The following COPZ2 variants were observed in gnomAD, a reference collection of about 807,000 sequenced individuals.
The protein encoded by COPZ2 is coat protein complex I subunit zeta 2.
Under a neutral mutation model 33.2 loss-of-function variants are expected in COPZ2, and 30 were observed. That is an observed-to-expected ratio of 0.90 (90% CI 0.68 to 1.23). COPZ2 has a LOEUF of 1.23. Ranked by LOEUF, COPZ2 falls within the 50% of genes most tolerant of loss-of-function variation. COPZ2 has a pLI of 0.00. For synonymous variants in COPZ2, 89 were observed against 102.6 expected (o/e 0.87, Z 0.80); for missense variants, 263 against 262.4 (o/e 1.00, Z -0.02).
chr17:48,043,631 AG>A, the COPZ2 span: 1 of 892,852 alleles, frequency 1.1e-6, no homozygotes, highest in Non-Finnish European at 1.3e-6. Flanking sequence ...TCTGAGATAA[AG>A]TTGTAGGGTG....
rs1377014977 is a variant in COPZ2 at position 48,037,737 on chromosome 17, T to TC, written c.40dup (p.Glu14GlyfsTer41). ...CCCGGCCTGGGCCGCCGCGGCCCCC[T>TC]CCCCCGGGTGCGGACGTGGCCAGGC... On this transcript the variant is annotated frameshift_variant, in exon 1 of 9. Coordinates refer to ENST00000621465, the MANE Select transcript of COPZ2 (RefSeq NM_016429.4). LOFTEE classifies it high-confidence loss of function. This position sits in a 1 kb window ranked among gnomAD's most constrained non-coding sequence, Gnocchi z 5.6. 1.0e-6 allele frequency: 1 copy of TC among 994,884 alleles called. No homozygotes were observed. Among genetic ancestry groups the TC allele is most frequent in the African/African-American group, 2.5e-5 (1 of 39,338 alleles). The allele number at this position is 994,884 out of a possible 1,614,324, so 61.6% of individuals were successfully genotyped here.
chr17:48,032,866 C>G, intron 4 of COPZ2, 125 bp from the exon 5 acceptor site: 1 of 743,304 alleles, frequency 1.3e-6, no homozygotes, highest in South Asian at 1.7e-5. Context: ...TGGAGACTGA[C>G]TGCGGTGTGA....
chr17:48,041,378 G>C (rs529284632), upstream of COPZ2, among the ~76,000 whole-genome samples: 18 of 152,300 alleles, frequency 1.2e-4, no homozygotes, highest in Non-Finnish European at 1.8e-4. Flanking sequence ...ATGAGTTGGG[G>C]ATAAGTGCTG....
chr17:48,046,915 G>C, the COPZ2 span: 3 of 152,176 alleles, frequency 2.0e-5, no homozygotes, highest in African/African-American at 7.2e-5. Flanking sequence ...GGAGACACGC[G>C]TCAGTAGTCC....
chr17:48,029,282 T>A, intron 6 of COPZ2, 106 bp from the exon 7 acceptor site: 1 of 986,970 alleles, frequency 1.0e-6, no homozygotes, highest in Non-Finnish European at 1.6e-6. Flanking sequence ...TCCTGCAACA[T>A]CTCCACCTTC....
At chr17:48,038,757 T>C (rs1048514602), upstream of COPZ2, among the ~76,000 whole-genome samples, 5 of 152,198 alleles carry the variant, frequency 3.3e-5, no homozygotes, top group African/African-American at 1.2e-4. Context: ...CCCTCTTATG[T>C]TGTGGACCAC....
upstream of COPZ2, among the ~76,000 whole-genome samples, chr17:48,042,607 G>A (rs956230527): frequency 3.0e-4 from 46 of 152,064 alleles, 1 homozygote; most frequent in Admixed American, 1.3e-3. Flanking sequence ...GATTACAGGT[G>A]CGTGCCACCA....
Position 48,037,769 on chromosome 17 carries a change from C to T in COPZ2, c.9G>A (p.Arg3=). The change falls in exon 1 of 9, where the codon CGG becomes CGA. Residue 3 remains arginine (R), a synonymous_variant. Coordinates refer to ENST00000621465, the MANE Select transcript of COPZ2 (RefSeq NM_016429.4). The surrounding 1 kb of genome is among the most constrained non-coding windows in gnomAD (Gnocchi z 5.6). MQ[R]PEAWPRPHPG... ...GGTGCGGACGTGGCCAGGCCTCGGG[C>T]CGCTGCATTCCGCTCGCCGCCTCGC... 1 of 1,017,878 alleles carries T rather than the reference C, an allele frequency of 9.8e-7. No individual in the cohort carries two copies. Among genetic ancestry groups the T allele is most frequent in the Non-Finnish European group, 1.2e-6 (1 of 853,256 alleles). 63.1% of individuals were successfully genotyped at this position (1,017,878 alleles called of 1,614,324 possible).
At chr17:48,033,373 T>C (rs2092558288) in intron 3 of COPZ2, 71 bp from the exon 4 acceptor site, 1 of 808,778 alleles carries the variant, frequency 1.2e-6, no homozygotes, top group Non-Finnish European at 2.1e-6. Flanking sequence ...TCCTCATGTA[T>C]GACTCTGTGA....
Position 48,037,455 on chromosome 17 carries a change from AC to A in COPZ2, c.111+211del, listed in dbSNP as rs2037006629. On this transcript the variant is annotated intron_variant, in intron 1 of 8. Transcript: ENST00000621465. The surrounding 1 kb of genome is among the most constrained non-coding windows in gnomAD (Gnocchi z 5.6). ...CACCCCCACTCCAAACGGACCCAGA[AC>A]TTCAGCCCCGCGCCGACGGACTCAG... 6.6e-6 allele frequency among the ~76,000 whole-genome samples: 1 copy of A among 152,190 alleles called. No individual in the cohort carries two copies. The highest frequency in any genetic ancestry group is 2.1e-4 in the South Asian group (1 of 4,812).
At position 48,028,538 on chromosome 17, in the gene COPZ2, G is replaced by C. The variant is rs1480179430; in HGVS notation, c.547-28C>G. The C allele has an allele frequency of 6.2e-7, 1 of 1,601,154 alleles. No homozygotes were observed. Among genetic ancestry groups the C allele is most frequent in the South Asian group, 1.1e-5 (1 of 88,648 alleles). On this transcript the variant is annotated intron_variant, in intron 7 of 8. Coordinates refer to ENST00000621465, the MANE Select transcript of COPZ2 (RefSeq NM_016429.4). This position sits in a 1 kb window ranked among gnomAD's most constrained non-coding sequence, Gnocchi z 4.5. ...GTAAGGAAGCAGAGTCAAGGGGTGGGGTAGGGCCAGCATGAGGGTCCTGGG... is the reference window on the plus strand; with the variant it reads ...GTAAGGAAGCAGAGTCAAGGGGTGGCGTAGGGCCAGCATGAGGGTCCTGGG...
At chr17:48,027,373 G>C (rs2036832163) in intron 8 of COPZ2, among the ~76,000 whole-genome samples, 1 of 152,204 alleles carries the variant, frequency 6.6e-6, no homozygotes, top group Admixed American at 6.5e-5. Context: ...TCACGCATTG[G>C]CTCATTGAAT....
upstream of COPZ2, chr17:48,037,986 TTCCCGAG>T: frequency 2.1e-6 from 1 of 481,748 alleles, no homozygotes; most frequent in African/African-American, 2.2e-5. The surrounding 1 kb of genome is among the most constrained non-coding windows in gnomAD (Gnocchi z 5.6). Flanking sequence ...CCTTGGCTCC[TTCCCGAG>T]TCCCTTACAT....
chr17:48,041,560 G>A (rs2037062585), upstream of COPZ2, among the ~76,000 whole-genome samples: 1 of 152,138 alleles, frequency 6.6e-6, no homozygotes, highest in Non-Finnish European at 1.5e-5. Flanking sequence ...AGCATCTACT[G>A]ACCCTCCCTA....
intron 8 of COPZ2, among the ~76,000 whole-genome samples, chr17:48,026,754 C>T (rs555251766): frequency 6.6e-6 from 1 of 152,372 alleles, no homozygotes; most frequent in South Asian, 2.1e-4. Context: ...CCTGTCTCCC[C>T]GCTGTCATGC....
intron 1 of COPZ2, 34 bp from the exon 2 acceptor site, chr17:48,036,959 T>C (rs1168136638): frequency 6.4e-7 from 1 of 1,570,252 alleles, no homozygotes. Flanking sequence ...GTTTGGCCCC[T>C]GACTCGAGGT....
chr17:48,038,799 G>A (rs1046397454), upstream of COPZ2, among the ~76,000 whole-genome samples: 6 of 152,156 alleles, frequency 3.9e-5, no homozygotes, highest in Non-Finnish European at 7.4e-5. Flanking sequence ...ACAGAATGGG[G>A]TTTTCCTCAC....
At chr17:48,040,865 A>G (rs1010209861), upstream of COPZ2, among the ~76,000 whole-genome samples, 3 of 151,518 alleles carry the variant, frequency 2.0e-5, no homozygotes, top group Non-Finnish European at 4.4e-5. Context: ...ATGATACCAT[A>G]TTGGCTGGGT....
At chr17:48,032,834 G>A in intron 4 of COPZ2, 93 bp from the exon 5 acceptor site, 1 of 1,042,844 alleles carries the variant, frequency 9.6e-7, no homozygotes, top group Non-Finnish European at 1.5e-6. Flanking sequence ...GGGCAGCAAT[G>A]GAGAGTTTCA....
Sources: gnomAD v4.1 joint callset for allele counts (sites outside exome capture counted in the v4.1 genomes callset) on GRCh38, gnomAD v4.1.1 for gene constraint, Gnocchi (gnomAD v3.1) non-coding constraint, MANE v1.5 for transcripts, NCBI Gene and HGNC (gene_info 2026-07-23, HGNC 2026-07-21) for gene names.